INPP4B: variants seen among roughly 807,000 people sequenced by gnomAD.
The protein encoded by INPP4B is inositol polyphosphate 4-phosphatase type II.
Under a neutral mutation model 122.5 loss-of-function variants are expected in INPP4B, and 55 were observed. The observed-to-expected ratio is 0.45, with a 90% CI of 0.36 to 0.56. The LOEUF (loss-of-function observed/expected upper bound fraction) is 0.56, where lower values mean the gene tolerates loss of function less well. Among genes scored for constraint, INPP4B ranks in the 20% least tolerant of loss-of-function variants. INPP4B has a pLI of 0.00. For synonymous variants in INPP4B, 403 were observed against 388.7 expected (o/e 1.04, Z -0.43); for missense variants, 1,000 against 1,097.7 (o/e 0.91, Z 1.26).
In INPP4B at chr4:142,255,146, G is replaced by A. The variant is rs1313055211; in HGVS notation, c.688+5346C>T. 2.0e-5 allele frequency among the ~76,000 whole-genome samples: 3 copies of A among 151,592 alleles called. No individual in the cohort carries two copies. The East Asian group carries it at 5.8e-4, about 29-fold the overall frequency. ...GAGAAATAAAATACTTTACAGACAAGAAAATGCTGAGAGATTTTGTCACCA... is the reference window on the plus strand; with the variant it reads ...GAGAAATAAAATACTTTACAGACAAAAAAATGCTGAGAGATTTTGTCACCA... On this transcript the variant is annotated intron_variant, in intron 11 of 25. Coordinates refer to ENST00000262992, the MANE Select transcript of INPP4B (RefSeq NM_001101669.3).
chr4:142,065,234 AACACACACAC>A (rs36228246), intron 25 of INPP4B, among the ~76,000 whole-genome samples: 8 of 149,618 alleles, frequency 5.3e-5, no homozygotes, highest in South Asian at 2.1e-4. Flanking sequence ...GAATGAGGCC[AACACACACAC>A]ACACACACAC....
chr4:142,716,272 A>G (rs1763747929), intron 2 of INPP4B, among the ~76,000 whole-genome samples: 1 of 152,220 alleles, frequency 6.6e-6, no homozygotes, highest in African/African-American at 2.4e-5. Flanking sequence ...TTTAGTTCTC[A>G]AATAAAAGAA....
At chr4:142,603,712 T>C (rs1262774730) in intron 2 of INPP4B, among the ~76,000 whole-genome samples, 1 of 151,546 alleles carries the variant, frequency 6.6e-6, no homozygotes, top group Non-Finnish European at 1.5e-5. Flanking sequence ...AAGACTGAAA[T>C]CAGTAACAAA....
intron 9 of INPP4B, among the ~76,000 whole-genome samples, chr4:142,277,708 C>A (rs1749268073): frequency 6.7e-6 from 1 of 150,156 alleles, no homozygotes; most frequent in African/African-American, 2.4e-5. Context: ...CACACACACA[C>A]CATGGAATAC....
chr4:142,769,206 G>T lies in INPP4B; in HGVS notation c.-253-43305C>A, dbSNP rs919158291. 5.3e-5 allele frequency among the ~76,000 whole-genome samples: 8 copies of T among 152,172 alleles called. No homozygotes were observed. The South Asian group carries it at 6.2e-4, about 12-fold the overall frequency. The stretch of plus-strand genomic sequence containing the variant: ...ATAAGGGACATGCGTCTTAAAGAAG[G>T]AAGAAGAAAATAGTGAGCTCATTTT... On this transcript the variant is annotated intron_variant, in intron 1 of 25. Coordinates refer to ENST00000262992, the MANE Select transcript of INPP4B (RefSeq NM_001101669.3).
rs1461196067 is a variant in INPP4B, at chr4:142,160,342, T to C, written c.1563+16A>G. The C allele has an allele frequency of 7.0e-7, 1 of 1,429,776 alleles. No homozygotes were observed. The highest frequency in any genetic ancestry group is 1.7e-5 in the South Asian group (1 of 60,194). 88.6% of individuals were successfully genotyped at this position (1,429,776 alleles called of 1,614,324 possible). ...TTGCCAAACATTGAGAGGCAAGCGA[T>C]ATACAAGAGACTTACCCACTCTTCC... is the stretch of plus-strand genomic sequence containing the variant. On this transcript the variant is annotated intron_variant, in intron 17 of 25. Transcript: ENST00000262992.
In INPP4B at chr4:142,151,141, G is replaced by T. The variant is rs114635164; in HGVS notation, c.1564-5145C>A. ...TATACTGGCCAAGGTCTGTAATACTGCAAACCTTTATTCTTTCAAGAGCTG... is the reference window on the plus strand; with the variant it reads ...TATACTGGCCAAGGTCTGTAATACTTCAAACCTTTATTCTTTCAAGAGCTG... On this transcript the variant is annotated intron_variant, in intron 17 of 25. Transcript: ENST00000262992. Among the ~76,000 whole-genome samples the T allele has an allele frequency of 5.2e-3, 795 of 152,236 alleles. 8 individuals carry two copies. Among genetic ancestry groups the T allele is most frequent in the African/African-American group, 0.018 (760 of 41,552 alleles).
chr4:142,802,554 A>C (rs547447292), intron 1 of INPP4B, among the ~76,000 whole-genome samples: 4 of 152,154 alleles, frequency 2.6e-5, no homozygotes, highest in South Asian at 4.2e-4. Flanking sequence ...ATAATCCCTC[A>C]CTGTTTATTC....
At chr4:142,770,067 T>C (rs1212565387) in intron 1 of INPP4B, among the ~76,000 whole-genome samples, 1 of 152,158 alleles carries the variant, frequency 6.6e-6, no homozygotes, top group East Asian at 1.9e-4. Context: ...TGTAGCTCTT[T>C]GAGCTCAGCC....
rs190029767 is a variant in INPP4B at position 142,069,990 on chromosome 4, G to T, written c.2642+12041C>A. Among the ~76,000 whole-genome samples, 303 of 152,226 alleles carry T rather than the reference G, an allele frequency of 2.0e-3. 1 individual carries two copies. The highest frequency in any genetic ancestry group is 7.2e-3 in the African/African-American group (298 of 41,548). On this transcript the variant is annotated intron_variant, in intron 25 of 25. Transcript: ENST00000262992. ...TCCTCCTCCCTAACTCATTTATGAGGCCAGCATCATCTTCATACCAAAGCC... is the reference window on the plus strand; with the variant it reads ...TCCTCCTCCCTAACTCATTTATGAGTCCAGCATCATCTTCATACCAAAGCC...
intron 9 of INPP4B, among the ~76,000 whole-genome samples, chr4:142,279,875 A>G (rs1750372522): frequency 6.6e-6 from 1 of 151,978 alleles, no homozygotes; most frequent in African/African-American, 2.4e-5. Flanking sequence ...TCCAAAGTAT[A>G]TAAAGAGCTC....
intron 12 of INPP4B, among the ~76,000 whole-genome samples, chr4:142,217,925 C>T (rs532830425): frequency 3.3e-5 from 5 of 152,276 alleles, no homozygotes; most frequent in East Asian, 1.9e-4. Context: ...CTGACACACT[C>T]GACTGGAACT....
chr4:142,271,436 C>T (rs1451585490), intron 9 of INPP4B, among the ~76,000 whole-genome samples: 3 of 152,208 alleles, frequency 2.0e-5, no homozygotes, highest in African/African-American at 7.2e-5. Flanking sequence ...TCTATACTAA[C>T]TGCATGAGAT....
chr4:142,522,581 G>C (rs1436310187), intron 2 of INPP4B, among the ~76,000 whole-genome samples: 1 of 151,974 alleles, frequency 6.6e-6, no homozygotes, highest in African/African-American at 2.4e-5. Context: ...CATATGCCAA[G>C]TCTGTATAAT....
chr4:142,270,328 A>G (rs551346256), intron 10 of INPP4B, among the ~76,000 whole-genome samples: 1 of 152,354 alleles, frequency 6.6e-6, no homozygotes, highest in South Asian at 2.1e-4. Flanking sequence ...TAGCCATCCC[A>G]GAATCTTCTG....
chr4:142,098,029 G>A (rs1006046308), intron 23 of INPP4B, among the ~76,000 whole-genome samples: 1 of 152,152 alleles, frequency 6.6e-6, no homozygotes, highest in Non-Finnish European at 1.5e-5. Flanking sequence ...AGAGAGAAGG[G>A]TTCCAGCGGG....
intron 2 of INPP4B, among the ~76,000 whole-genome samples, chr4:142,694,668 T>C (rs1163096613): frequency 6.6e-6 from 1 of 152,192 alleles, no homozygotes; most frequent in African/African-American, 2.4e-5. Flanking sequence ...GGGTAAACTA[T>C]GCTGGGAAGG....
intron 2 of INPP4B, among the ~76,000 whole-genome samples, chr4:142,481,650 C>T (rs1820563822): frequency 6.6e-6 from 1 of 151,972 alleles, no homozygotes; most frequent in East Asian, 1.9e-4. Context: ...AACATATTGG[C>T]ATGTGGCTAG....
chr4:142,177,605 T>C (rs531742016), intron 15 of INPP4B, among the ~76,000 whole-genome samples: 1 of 152,154 alleles, frequency 6.6e-6, no homozygotes, highest in African/African-American at 2.4e-5. Context: ...TATTTTTCTA[T>C]TGAGAGAGTG....
Sources: allele counts gnomAD v4.1 joint callset (sites outside exome capture counted in the v4.1 genomes callset), GRCh38; gene constraint gnomAD v4.1.1; transcripts MANE v1.5; gene names NCBI Gene and HGNC (gene_info 2026-07-23, HGNC 2026-07-21).